The following CTSC variants were observed in gnomAD, a reference collection of about 807,000 sequenced individuals.
CTSC encodes cathepsin C.
Under a neutral mutation model 40.9 loss-of-function variants are expected in CTSC, and 37 were observed. That is an observed-to-expected ratio of 0.91 (90% CI 0.70 to 1.19). The LOEUF is 1.19. Ranked by LOEUF, CTSC falls within the 50% of genes most tolerant of loss-of-function variation. The probability of loss-of-function intolerance (pLI) is 0.00; values close to 1 mark genes in which losing one functional copy is unlikely to be tolerated. For missense variants in CTSC, 594 were observed against 567.3 expected (o/e 1.05, Z -0.48); for synonymous variants, 232 against 207.4 (o/e 1.12, Z -1.02).
intron 2 of CTSC, among the ~76,000 whole-genome samples, chr11:88,315,702 G>A (rs563737643): frequency 6.6e-6 from 1 of 152,244 alleles, no homozygotes; most frequent in Non-Finnish European, 1.5e-5. Flanking sequence ...GGAAGTGGTG[G>A]AACTAGAACT....
intron 4 of CTSC, among the ~76,000 whole-genome samples, chr11:88,308,862 G>A (rs1284671594): frequency 1.3e-5 from 2 of 152,152 alleles, no homozygotes; most frequent in Non-Finnish European, 1.5e-5. Flanking sequence ...CCCCTCAGGT[G>A]GTTACCGGCA....
At chr11:88,325,866 T>C (rs984782786) in intron 2 of CTSC, 5 of 987,438 alleles carry the variant, frequency 5.1e-6, no homozygotes, top group East Asian at 1.1e-4. Flanking sequence ...CAATAACTTA[T>C]ATCTGTGAAT....
At chr11:88,304,677 C>T (rs573565001) in intron 4 of CTSC, among the ~76,000 whole-genome samples, 1 of 152,304 alleles carries the variant, frequency 6.6e-6, no homozygotes, top group African/African-American at 2.4e-5. Flanking sequence ...TCATAAAGAC[C>T]TTGCTGATAG....
intron 2 of CTSC, 72 bp downstream of exon 2, chr11:88,334,865 G>C: frequency 1.8e-6 from 2 of 1,092,194 alleles, no homozygotes; most frequent in Non-Finnish European, 2.8e-6. Context: ...AAATTCTGAG[G>C]GTCTACTAAT....
At chr11:88,325,359 C>T (rs1938152331) in intron 2 of CTSC, 1 of 985,414 alleles carries the variant, frequency 1.0e-6, no homozygotes, top group South Asian at 4.7e-5. Context: ...ACCTAAGCTT[C>T]AAGGCAGTTC....
chr11:88,326,147 T>A, intron 2 of CTSC: 1 of 1,311,026 alleles, frequency 7.6e-7, no homozygotes, highest in Non-Finnish European at 9.7e-7. Flanking sequence ...ATTTTGCATC[T>A]TCAGAATTTT....
chr11:88,308,280 C>A (rs1474686445), intron 4 of CTSC, among the ~76,000 whole-genome samples: 2 of 152,164 alleles, frequency 1.3e-5, no homozygotes, highest in Admixed American at 6.6e-5. Context: ...CTAATGGAGG[C>A]AGTCAGGCTG....
intron 4 of CTSC, among the ~76,000 whole-genome samples, chr11:88,306,536 G>A (rs535876713): frequency 6.6e-6 from 1 of 152,064 alleles, no homozygotes; most frequent in Non-Finnish European, 1.5e-5. Context: ...GAGCTGTGGA[G>A]AGTGGTGGGA....
At chr11:88,315,966 G>C (rs55775333) in intron 2 of CTSC, among the ~76,000 whole-genome samples, 3,561 of 151,854 alleles carry the variant, frequency 0.023, 150 homozygotes, top group African/African-American at 0.081. Flanking sequence ...TTCAAATACA[G>C]GTTTACATGT....
intron 2 of CTSC, among the ~76,000 whole-genome samples, chr11:88,316,581 A>G (rs2134791947): frequency 6.6e-6 from 1 of 150,540 alleles, no homozygotes; most frequent in East Asian, 2.0e-4. Flanking sequence ...TTTTCACGAT[A>G]GTCTATCAGG....
At chr11:88,323,417 CA>C (rs1938083576) in intron 2 of CTSC, 1 of 137,364 alleles carries the variant, frequency 7.3e-6, no homozygotes. Flanking sequence ...GAGTTCTGGC[CA>C]GGGCAATCAG....
intron 2 of CTSC, chr11:88,327,782 C>T (rs982398300): frequency 1.2e-5 from 4 of 345,206 alleles, no homozygotes; most frequent in East Asian, 7.0e-5. Flanking sequence ...AACTACTTTA[C>T]GAATGTGAAC....
chr11:88,325,397 T>C (rs2134807848), intron 2 of CTSC: 4 of 985,388 alleles, frequency 4.1e-6, no homozygotes, highest in Non-Finnish European at 4.8e-6. Context: ...CATGAGCCCA[T>C]GCAACATTAA....
At chr11:88,325,646 G>A (rs913138511) in intron 2 of CTSC, 11 of 984,696 alleles carry the variant, frequency 1.1e-5, no homozygotes, top group African/African-American at 3.5e-5. Flanking sequence ...CAGAACTTTT[G>A]TAGCTTATAG....
chr11:88,329,929 G>A (rs1292678590), intron 2 of CTSC, among the ~76,000 whole-genome samples: 1 of 152,196 alleles, frequency 6.6e-6, no homozygotes, highest in African/African-American at 2.4e-5. Context: ...GTTTCACCAC[G>A]TTGGCCACGC....
chr11:88,295,153 C>G (rs1855115976), intron 6 of CTSC, among the ~76,000 whole-genome samples: 1 of 152,078 alleles, frequency 6.6e-6, no homozygotes, highest in African/African-American at 2.4e-5. Context: ...TATATTATAG[C>G]CCCTATAGCC....
At position 88,313,318 on chromosome 11, in the gene CTSC, T is replaced by C. The variant is rs560529722; in HGVS notation, c.319-764A>G. 3.3e-5 allele frequency among the ~76,000 whole-genome samples: 5 copies of C among 152,304 alleles called. No homozygotes were observed. In the East Asian group the frequency reaches 9.6e-4, roughly 29 times the overall value. ...ACTCCAGACAAGTGATCCACCCACC[T>C]CGGCCTCCCAAAGTGATGGGATTAC... On this transcript the variant is annotated intron_variant, in intron 2 of 6. Transcript: ENST00000227266.
chr11:88,328,622 C>G (rs1344730445), intron 2 of CTSC, among the ~76,000 whole-genome samples: 1 of 151,980 alleles, frequency 6.6e-6, no homozygotes, highest in Non-Finnish European at 1.5e-5. Context: ...ACATAGAGTT[C>G]TTGTTTCTGT....
chr11:88,318,146 T>G (rs1565258353), intron 2 of CTSC, among the ~76,000 whole-genome samples: 1 of 152,210 alleles, frequency 6.6e-6, no homozygotes, highest in Admixed American at 6.5e-5. Flanking sequence ...TGTTCTACTG[T>G]TTTCTTGATT....
Sources: allele counts gnomAD v4.1 joint callset (sites outside exome capture counted in the v4.1 genomes callset), GRCh38; gene constraint gnomAD v4.1.1; transcripts MANE v1.5; gene names NCBI Gene and HGNC (gene_info 2026-07-23, HGNC 2026-07-21).